CACNA1C: variants seen among roughly 807,000 people sequenced by gnomAD.
CACNA1C encodes voltage-dependent L-type calcium channel subunit alpha-1C.
A neutral mutation model predicts 229.0 loss-of-function variants in CACNA1C; 30 were observed. The ratio of observed to expected loss-of-function variants is 0.13; its 90% confidence interval spans 0.10 to 0.18. The LOEUF is 0.18. CACNA1C is among the 10% of genes least tolerant of loss of function. The pLI, the probability that CACNA1C is intolerant of heterozygous loss-of-function variation, is 1.00. For synonymous variants in CACNA1C, 1,114 were observed against 1,132.5 expected, an observed-to-expected ratio of 0.98 and a Z score of 0.33; for missense variants, 1,658 against 2,845.0, an observed-to-expected ratio of 0.58 and a Z score of 9.49.
At chr12:2,315,646 C>T (rs1217997138) in intron 3 of CACNA1C, among the ~76,000 whole-genome samples, 2 of 152,170 alleles carry the variant, frequency 1.3e-5, no homozygotes, top group African/African-American at 2.4e-5. Flanking sequence ...CATCCATCCT[C>T]CCTTGAAGGG....
intron 2 of CACNA1C, 100 bp from the exon 3 acceptor site, chr12:2,120,225 A>G (rs2085951828): frequency 1.3e-6 from 1 of 772,088 alleles, no homozygotes; most frequent in African/African-American, 1.7e-5. Flanking sequence ...TGTTTAAACA[A>G]AATTCTTATG....
chr12:2,079,762 A>C (rs1004041089), intron 1 of CACNA1C, among the ~76,000 whole-genome samples: 1 of 152,206 alleles, frequency 6.6e-6, no homozygotes, highest in African/African-American at 2.4e-5. Flanking sequence ...ACCCTTCAAA[A>C]ATAATCACAA....
intron 13 of CACNA1C, among the ~76,000 whole-genome samples, chr12:2,579,608 T>C (rs1478036272): frequency 6.6e-6 from 1 of 152,058 alleles, no homozygotes; most frequent in African/African-American, 2.4e-5. Context: ...TAGGACAGGG[T>C]CTCACTCCGT....
At chr12:2,471,547 A>G (rs1307481113) in intron 5 of CACNA1C, among the ~76,000 whole-genome samples, 2 of 152,162 alleles carry the variant, frequency 1.3e-5, no homozygotes, top group Non-Finnish European at 2.9e-5. Context: ...TTATCTGAAC[A>G]TGTCTTTTGC....
intron 1 of CACNA1C, among the ~76,000 whole-genome samples, chr12:2,074,452 A>C (rs577140625): frequency 1.3e-5 from 2 of 152,262 alleles, no homozygotes; most frequent in Admixed American, 6.5e-5. Flanking sequence ...CTCGGAGATG[A>C]TCTGACTTGC....
At chr12:2,558,161 A>G (rs2045517212) in intron 11 of CACNA1C, among the ~76,000 whole-genome samples, 1 of 152,164 alleles carries the variant, frequency 6.6e-6, no homozygotes, top group African/African-American at 2.4e-5. Flanking sequence ...CCTCTCTTGG[A>G]CGGAGCTGGA....
At chr12:2,379,847 C>G (rs944890330) in intron 3 of CACNA1C, among the ~76,000 whole-genome samples, 2 of 150,878 alleles carry the variant, frequency 1.3e-5, no homozygotes, top group Non-Finnish European at 3.0e-5. Flanking sequence ...CCGGCTAAAA[C>G]GGTGAAACCC....
intron 3 of CACNA1C, among the ~76,000 whole-genome samples, chr12:2,232,232 T>G (rs938408472): frequency 1.5e-3 from 193 of 128,588 alleles, no homozygotes; most frequent in African/African-American, 3.4e-3. Flanking sequence ...TCCTTGTTTT[T>G]TTTTTTTTTT....
chr12:2,151,492 A>G (rs2095262120), intron 3 of CACNA1C, among the ~76,000 whole-genome samples: 1 of 152,084 alleles, frequency 6.6e-6, no homozygotes, highest in Non-Finnish European at 1.5e-5. Flanking sequence ...CCTTTTCAGG[A>G]GCAACTCTGC....
At chr12:2,500,556 G>A (rs1249527595) in intron 7 of CACNA1C, among the ~76,000 whole-genome samples, 2 of 152,150 alleles carry the variant, frequency 1.3e-5, no homozygotes, top group African/African-American at 2.4e-5. Flanking sequence ...AGGCTCCAGA[G>A]GCAGCTTTGG....
upstream of CACNA1C, among the ~76,000 whole-genome samples, chr12:2,050,138 T>C (rs2051870779): frequency 6.6e-6 from 1 of 152,188 alleles, no homozygotes; most frequent in Non-Finnish European, 1.5e-5. Flanking sequence ...ATCTGCAGCA[T>C]ATTTTGCAAT....
At chr12:2,205,282 AG>A (rs760578776) in intron 3 of CACNA1C, among the ~76,000 whole-genome samples, 5 of 152,286 alleles carry the variant, frequency 3.3e-5, no homozygotes, top group Non-Finnish European at 7.4e-5. Flanking sequence ...CAGTCCTGAG[AG>A]GCCAGGTGTC....
At chr12:1,983,502 G>A (rs577657494) in intron 1 of CACNA1C, among the ~76,000 whole-genome samples, 2 of 152,018 alleles carry the variant, frequency 1.3e-5, no homozygotes, top group South Asian at 4.1e-4. Context: ...GAAGTATGCT[G>A]TTTAATTTCC....
intron 3 of CACNA1C, among the ~76,000 whole-genome samples, chr12:2,289,449 C>T (rs750025685): frequency 7.2e-5 from 11 of 152,170 alleles, no homozygotes; most frequent in East Asian, 5.8e-4. Flanking sequence ...TGGAAATCTA[C>T]GGGGAAGAGA....
chr12:2,334,836 T>G (rs2096644217), intron 3 of CACNA1C, among the ~76,000 whole-genome samples: 2 of 152,196 alleles, frequency 1.3e-5, no homozygotes. Flanking sequence ...GGCAATTTAT[T>G]TCCCTCCTAA....
Position 2,649,316 on chromosome 12 carries a change from T to C in CACNA1C, c.3945+809T>C, listed in dbSNP as rs1603311829. Among the ~76,000 whole-genome samples the C allele has an allele frequency of 6.6e-6, 1 of 152,202 alleles. No homozygotes were observed. The highest frequency in any genetic ancestry group is 2.4e-5 in the African/African-American group (1 of 41,446). ...TATGCATTTCTAACCGGGCCAAGTA[T>C]GAGTTTTTAGAAGGACCAGTGGGGT... On this transcript the variant is annotated intron_variant, in intron 31 of 46. Transcript: ENST00000399655. The surrounding 1 kb of genome is among the most constrained non-coding windows in gnomAD (Gnocchi z 4.4).
Position 2,690,970 on chromosome 12 carries a change from T to C in CACNA1C, c.6188T>C (p.Leu2063Pro), listed in dbSNP as rs1603473219. 6.3e-7 allele frequency: 1 copy of C among 1,599,598 alleles called. No homozygotes were observed. The highest frequency in any genetic ancestry group is 8.5e-7 in the Non-Finnish European group (1 of 1,172,900). The stretch of plus-strand genomic sequence containing the variant: ...TTCATCGAGGTCACCACCCAGGAGC[T>C]GGCCGACGCCTGCGACATGACCATA... Reference protein sequence around the residue: ...PKFIEVTTQELADACDMTIEE... With the variant: ...PKFIEVTTQEPADACDMTIEE... Residue 2063 changes from leucine (L) to proline (P), a missense_variant, in exon 47 of 47, where the codon CTG (leucine) becomes CCG (proline). By Grantham distance (98) the Leu-to-Pro change is moderately conservative. Around this residue, in one of 20 missense-constraint regions of CACNA1C, gnomAD observed 590 missense variants for 700.8 expected, o/e 0.84. Transcript: ENST00000399655.
chr12:2,050,867 G>T (rs1436443281), upstream of CACNA1C, among the ~76,000 whole-genome samples: 1 of 152,130 alleles, frequency 6.6e-6, no homozygotes, highest in Non-Finnish European at 1.5e-5. Context: ...TTCATAGGGG[G>T]AATTGCAACA....
rs143730403 is a variant in CACNA1C, at chr12:2,239,326, T to C, written c.477+118896T>C. ...TGAATGACGGTGAGGGCTGGGCCAA[T>C]ACCAGCTCTCCCAGGCGGTGAGGCT... On this transcript the variant is annotated intron_variant, in intron 3 of 46. Coordinates refer to ENST00000399655, the MANE Select transcript of CACNA1C (RefSeq NM_000719.7). 3.5e-3 allele frequency among the ~76,000 whole-genome samples: 524 copies of C among 151,824 alleles called. 1 individual carries two copies. Among genetic ancestry groups the C allele is most frequent in the African/African-American group, 0.012 (484 of 41,410 alleles).
Sources: allele counts gnomAD v4.1 joint callset (sites outside exome capture counted in the v4.1 genomes callset), GRCh38; gene constraint gnomAD v4.1.1; regional missense constraint gnomAD v4.1.1; non-coding constraint Gnocchi (gnomAD v3.1); transcripts MANE v1.5; gene names NCBI Gene and HGNC (gene_info 2026-07-23, HGNC 2026-07-21).